The following RASSF2 variants were observed in gnomAD, a reference collection of about 807,000 sequenced individuals.
RASSF2 encodes the protein ras association domain-containing protein 2.
Under a neutral mutation model 46.3 loss-of-function variants are expected in RASSF2, and 34 were observed. The ratio of observed to expected loss-of-function variants is 0.73; its 90% CI spans 0.56 to 0.98. RASSF2 has a LOEUF of 0.98. Ranked by LOEUF, RASSF2 falls within the 50% of genes least tolerant of loss-of-function variation. RASSF2 has a pLI of 0.00. For missense variants in RASSF2, 364 were observed against 431.2 expected (o/e 0.84, Z 1.38); for synonymous variants, 158 against 162.5 (o/e 0.97, Z 0.21).
At chr20:4,821,764 A>G (rs1349209297) in intron 2 of RASSF2, among the ~76,000 whole-genome samples, 3 of 152,192 alleles carry the variant, frequency 2.0e-5, no homozygotes, top group Non-Finnish European at 2.9e-5. Flanking sequence ...GCTCTTTCCA[A>G]AACTACTGCC....
intron 2 of RASSF2, among the ~76,000 whole-genome samples, chr20:4,815,354 G>A (rs1377731081): frequency 2.6e-5 from 4 of 151,156 alleles, no homozygotes; most frequent in South Asian, 4.2e-4. Flanking sequence ...GACCCTACAC[G>A]GCACTTTAGG....
intron 10 of RASSF2, among the ~76,000 whole-genome samples, chr20:4,787,209 G>A (rs905774361): frequency 6.6e-6 from 1 of 152,204 alleles, no homozygotes; most frequent in Admixed American, 6.5e-5. Flanking sequence ...TGGAATGTGT[G>A]TGGACATGAC....
intron 6 of RASSF2, 27 bp downstream of exon 6, chr20:4,792,512 C>T (rs1925975289): frequency 6.2e-7 from 1 of 1,613,714 alleles, no homozygotes; most frequent in Non-Finnish European, 8.5e-7. Context: ...TGGTCCCTAG[C>T]TGGAAGTACC....
chr20:4,805,190 G>A (rs936209692), intron 2 of RASSF2, among the ~76,000 whole-genome samples: 2 of 152,124 alleles, frequency 1.3e-5, no homozygotes, highest in Non-Finnish European at 2.9e-5. Context: ...CAGGGACTCT[G>A]CAGATGTGAT....
intron 10 of RASSF2, 81 bp from the exon 11 acceptor site, chr20:4,786,409 C>CTTTGTGCCTTGTAT: frequency 8.3e-7 from 1 of 1,207,820 alleles, no homozygotes; most frequent in Non-Finnish European, 1.2e-6. Context: ...TTATACAAGG[C>CTTTGTGCCTTGTAT]ACAAAGCCTT....
At chr20:4,805,723 G>A (rs1257377040) in intron 2 of RASSF2, among the ~76,000 whole-genome samples, 1 of 152,168 alleles carries the variant, frequency 6.6e-6, no homozygotes, top group Non-Finnish European at 1.5e-5. Flanking sequence ...CGGAGCCCGA[G>A]TTGGAGAGAC....
At chr20:4,791,039 A>G (rs1297410449) in intron 6 of RASSF2, among the ~76,000 whole-genome samples, 1 of 152,210 alleles carries the variant, frequency 6.6e-6, no homozygotes, top group Non-Finnish European at 1.5e-5. Context: ...ACTCTGACAC[A>G]TGCTACCCAC....
Position 4,790,497 on chromosome 20 carries a change from A to T in RASSF2, c.491T>A (p.Ile164Asn). The change falls in exon 7 of 12, where the codon ATC (isoleucine) becomes AAC (asparagine). Residue 164 changes from isoleucine to asparagine, a missense_variant. Coordinates refer to ENST00000379400, the MANE Select transcript of RASSF2 (RefSeq NM_014737.3). The surrounding 1 kb of genome is among the most constrained non-coding windows in gnomAD (Gnocchi z 4.3). ...GTTGATGGAGAAGCGGTGGCGTCTG[A>T]TTCGCCGCTGGTCACTAGGCGTCCT... ...NVRTPSDQRRIRRHRFSINGH... is the reference protein window; with the variant it reads ...NVRTPSDQRRNRRHRFSINGH... 1 of 1,517,884 alleles carries T rather than the reference A, an allele frequency of 6.6e-7. No individual in the cohort carries two copies. The highest frequency in any genetic ancestry group is 8.8e-7 in the Non-Finnish European group (1 of 1,137,442). 94.0% of individuals were successfully genotyped at this position (1,517,884 alleles called of 1,614,324 possible).
chr20:4,791,627 T>C (rs1363248239), intron 6 of RASSF2, among the ~76,000 whole-genome samples: 2 of 152,124 alleles, frequency 1.3e-5, no homozygotes, highest in Non-Finnish European at 2.9e-5. Context: ...AAACTGACAA[T>C]ATCTATGAAA....
At chr20:4,797,902 A>C in intron 4 of RASSF2, 108 bp downstream of exon 4, 2 of 1,508,096 alleles carry the variant, frequency 1.3e-6, no homozygotes, top group Non-Finnish European at 1.8e-6. Flanking sequence ...CCTAAATAAG[A>C]AGCAGGAGAG....
intron 2 of RASSF2, among the ~76,000 whole-genome samples, chr20:4,814,736 G>A (rs2245786): frequency 0.57 from 87,197 of 151,978 alleles, 26,622 homozygotes; most frequent in East Asian, 0.89. Context: ...CAACGTGTGC[G>A]GGGAAATTCC....
At chr20:4,785,128 G>A (rs1216701008) in intron 11 of RASSF2, among the ~76,000 whole-genome samples, 1 of 140,186 alleles carries the variant, frequency 7.1e-6, no homozygotes, top group Non-Finnish European at 1.5e-5. Flanking sequence ...TGGCCAACAT[G>A]GCAAAACCCC....
chr20:4,786,217 G>T lies in RASSF2; in HGVS notation c.911+14C>A, dbSNP rs776618982. ...CAGGAGAAGTGCACCCAGTGCCCCA[G>T]AAGCCACACTTACTTGCGCATCAGC... On this transcript the variant is annotated intron_variant, in intron 11 of 11. Transcript: ENST00000379400. The T allele has an allele frequency of 2.5e-6, 4 of 1,591,638 alleles. No individual in the cohort carries two copies. The South Asian group carries it at 4.4e-5, about 18-fold the overall frequency.
chr20:4,807,943 A>C (rs1249749040), intron 2 of RASSF2, among the ~76,000 whole-genome samples: 1 of 152,238 alleles, frequency 6.6e-6, no homozygotes, highest in Admixed American at 6.5e-5. Flanking sequence ...CCCTGCAGCC[A>C]GCTAAAGATA....
intron 2 of RASSF2, 57 bp from the exon 3 acceptor site, chr20:4,801,119 G>A: frequency 7.0e-7 from 1 of 1,435,268 alleles, no homozygotes. Context: ...TGGGAACTCA[G>A]CAGAACTTGG....
chr20:4,801,090 T>C, intron 2 of RASSF2, 28 bp from the exon 3 acceptor site: 1 of 1,577,346 alleles, frequency 6.3e-7, no homozygotes, highest in South Asian at 1.1e-5. Flanking sequence ...AGACAGAGGT[T>C]AAAGTCAAGT....
intron 4 of RASSF2, among the ~76,000 whole-genome samples, chr20:4,796,817 G>C (rs942638668): frequency 4.6e-5 from 7 of 152,158 alleles, no homozygotes; most frequent in Non-Finnish European, 7.3e-5. Flanking sequence ...ATCTTGCATG[G>C]CCCAGCTGCT....
In RASSF2 at chr20:4,795,563, C is replaced by G. The variant is rs1040025057; in HGVS notation, c.287+252G>C. 22 of 384,488 alleles carry G rather than the reference C, an allele frequency of 5.7e-5. No individual in the cohort carries two copies. The highest frequency in any genetic ancestry group is 9.4e-5 in the Non-Finnish European group (20 of 213,058). 23.8% of individuals were successfully genotyped at this position (384,488 alleles called of 1,614,324 possible). A position where few individuals can be genotyped will look rare whatever the true frequency, so the allele number is the denominator to read the frequency against. On this transcript the variant is annotated intron_variant, in intron 5 of 11. Coordinates refer to ENST00000379400, the MANE Select transcript of RASSF2 (RefSeq NM_014737.3). This position sits in a 1 kb window ranked among gnomAD's most constrained non-coding sequence, Gnocchi z 4.0. ...CTAAGGGAGGACTCTGACTCAGCAG[C>G]TCCCCTCGTATGACTCAGCAGCTCC...
At chr20:4,785,154 A>AC (rs1925201283) in intron 11 of RASSF2, among the ~76,000 whole-genome samples, 3 of 120,362 alleles carry the variant, frequency 2.5e-5, no homozygotes, top group South Asian at 2.7e-4. Flanking sequence ...TACTAAAAAT[A>AC]CAAAAAAAAA....
Sources: allele counts gnomAD v4.1 joint callset (sites outside exome capture counted in the v4.1 genomes callset), GRCh38; gene constraint gnomAD v4.1.1; non-coding constraint Gnocchi (gnomAD v3.1); transcripts MANE v1.5; gene names NCBI Gene and HGNC (gene_info 2026-07-23, HGNC 2026-07-21).